Variants in SHROOM3 observed in about 807,000 individuals in gnomAD.
SHROOM3 encodes the protein shroom family member 3, also known as protein Shroom3.
In SHROOM3, 47 loss-of-function variants were observed where a neutral mutation model predicts 138.6. The ratio of observed to expected loss-of-function variants is 0.34; its 90% CI spans 0.27 to 0.43. SHROOM3 has a LOEUF of 0.43. Ranked by LOEUF, SHROOM3 falls within the 20% of genes least tolerant of loss-of-function variation. The pLI is 1.00. For missense variants in SHROOM3, 2,491 were observed against 2,596.5 expected (o/e 0.96, Z 0.88); for synonymous variants, 1,062 against 1,063.3 (o/e 1.00, Z 0.02).
chr4:76,558,285 T>C (rs1367333370), intron 2 of SHROOM3, among the ~76,000 whole-genome samples: 1 of 152,206 alleles, frequency 6.6e-6, no homozygotes, highest in Admixed American at 6.5e-5. Context: ...TATTTGCAAA[T>C]TGTGTGACTT....
At chr4:76,587,487 G>A (rs1377349201) in intron 2 of SHROOM3, among the ~76,000 whole-genome samples, 4 of 152,082 alleles carry the variant, frequency 2.6e-5, no homozygotes, top group Non-Finnish European at 5.9e-5. Context: ...CATTCTCAAT[G>A]ATTCTGTTCA....
chr4:76,755,096 C>CGA lies in SHROOM3; in HGVS notation c.4613_4614insGA (p.Pro1539ThrfsTer40). On this transcript the variant is annotated frameshift_variant, in exon 7 of 11. Coordinates refer to ENST00000296043, the MANE Select transcript of SHROOM3 (RefSeq NM_020859.4). LOFTEE classifies it high-confidence loss of function. ...CCACCTCCTCCACCGAGTCAGGAAA[C>CGA]CCCGGTGTATAGCATGGATGACTTC... 6.3e-7 allele frequency: 1 copy of CGA among 1,588,170 alleles called. No individual in the cohort carries two copies. The highest frequency in any genetic ancestry group is 8.6e-7 in the Non-Finnish European group (1 of 1,165,836).
intron 4 of SHROOM3, 148 bp downstream of exon 4, chr4:76,731,083 T>TA: frequency 9.0e-7 from 1 of 1,108,436 alleles, no homozygotes; most frequent in African/African-American, 1.5e-5. Flanking sequence ...CTCATCCTCT[T>TA]ATAGTGCTTG....
intron 2 of SHROOM3, among the ~76,000 whole-genome samples, chr4:76,708,580 T>G (rs1186297260): frequency 2.6e-5 from 4 of 152,210 alleles, no homozygotes; most frequent in African/African-American, 9.7e-5. Flanking sequence ...TCTTGGAGTG[T>G]GCTGTTTACA....
chr4:76,633,332 C>CAAAAAAAAAAAA (rs56002974), intron 2 of SHROOM3, among the ~76,000 whole-genome samples: 28 of 83,762 alleles, frequency 3.3e-4, no homozygotes, highest in Middle Eastern at 8.6e-3. Flanking sequence ...GACTCAGTCT[C>CAAAAAAAAAAAA]AAAAAAAAAA....
At chr4:76,773,011 G>A (rs1722414141) in intron 10 of SHROOM3, among the ~76,000 whole-genome samples, 1 of 152,182 alleles carries the variant, frequency 6.6e-6, no homozygotes. Flanking sequence ...GAGATGCCAT[G>A]TTTAAGAATT....
At chr4:76,559,004 C>A (rs1490210928) in intron 2 of SHROOM3, among the ~76,000 whole-genome samples, 2 of 152,184 alleles carry the variant, frequency 1.3e-5, no homozygotes, top group Non-Finnish European at 2.9e-5. Context: ...TTTTCATTCT[C>A]GTCAACACCA....
chr4:76,749,663 A>C (rs1173131675), intron 6 of SHROOM3, among the ~76,000 whole-genome samples: 1 of 152,236 alleles, frequency 6.6e-6, no homozygotes, highest in Non-Finnish European at 1.5e-5. Context: ...GAGGTGAAAA[A>C]TAAAGCTCAA....
intron 2 of SHROOM3, among the ~76,000 whole-genome samples, chr4:76,638,111 A>G (rs1312766282): frequency 6.6e-6 from 1 of 152,186 alleles, no homozygotes; most frequent in Non-Finnish European, 1.5e-5. Context: ...CAACAGATAG[A>G]GACTTCCATC....
In SHROOM3 at chr4:76,734,513, C is replaced by CTTT. The variant is rs35737209; in HGVS notation, c.587+3592_587+3594dup. 4.2e-3 allele frequency among the ~76,000 whole-genome samples: 573 copies of CTTT among 137,698 alleles called. 9 individuals are homozygous for CTTT. Among genetic ancestry groups the CTTT allele is most frequent in the African/African-American group, 0.014 (522 of 36,964 alleles). The allele number at this position is 137,698 out of a possible 152,430, so 90.3% of individuals were successfully genotyped here. On this transcript the variant is annotated intron_variant, in intron 4 of 10. Coordinates refer to ENST00000296043, the MANE Select transcript of SHROOM3 (RefSeq NM_020859.4). ...CTATGTTTTAAATATTTTAAAAATA[C>CTTT]TTTTTTTTTTTTTTTTGAGATGGGT...
intron 1 of SHROOM3, among the ~76,000 whole-genome samples, chr4:76,541,580 G>A (rs1733098485): frequency 6.6e-6 from 1 of 151,510 alleles, no homozygotes; most frequent in African/African-American, 2.4e-5. Context: ...AGGGAAAAAA[G>A]TCGCACTGCA....
chr4:76,599,413 A>G (rs1182285293), intron 2 of SHROOM3, among the ~76,000 whole-genome samples: 2 of 152,360 alleles, frequency 1.3e-5, no homozygotes, highest in Non-Finnish European at 2.9e-5. Context: ...TAATCTGCCC[A>G]TTCAAGATAG....
intron 10 of SHROOM3, among the ~76,000 whole-genome samples, chr4:76,773,189 A>AGTTG (rs1243763288): frequency 5.3e-5 from 8 of 152,104 alleles, no homozygotes; most frequent in African/African-American, 9.7e-5. Flanking sequence ...AGCCTGGCCA[A>AGTTG]CATGGCAAAA....
At chr4:76,551,567 A>G (rs1323536797) in intron 1 of SHROOM3, among the ~76,000 whole-genome samples, 2 of 152,156 alleles carry the variant, frequency 1.3e-5, no homozygotes, top group Non-Finnish European at 2.9e-5. Context: ...GAACGAACCA[A>G]TATTTTCTGA....
chr4:76,626,968 T>C (rs1364652203), intron 2 of SHROOM3, among the ~76,000 whole-genome samples: 2 of 152,216 alleles, frequency 1.3e-5, no homozygotes, highest in African/African-American at 2.4e-5. Context: ...ACAGACAGCA[T>C]TGACAGAACT....
At chr4:76,474,478 G>T (rs1731441176) in intron 1 of SHROOM3, among the ~76,000 whole-genome samples, 1 of 152,182 alleles carries the variant, frequency 6.6e-6, no homozygotes, top group Non-Finnish European at 1.5e-5. Context: ...CAAAGTATGG[G>T]ATAGTTCCAT....
chr4:76,697,895 GA>G (rs1406786304), intron 2 of SHROOM3, among the ~76,000 whole-genome samples: 3 of 151,790 alleles, frequency 2.0e-5, no homozygotes, highest in Non-Finnish European at 4.4e-5. Flanking sequence ...ACAGGATGAG[GA>G]AAAAAAGAAT....
intron 2 of SHROOM3, among the ~76,000 whole-genome samples, chr4:76,641,787 A>C (rs890112473): frequency 4.6e-5 from 7 of 152,138 alleles, no homozygotes; most frequent in African/African-American, 1.7e-4. Flanking sequence ...TTGGCCTCAA[A>C]CCAAATGCAG....
At chr4:76,749,838 G>A (rs1721563309) in intron 6 of SHROOM3, among the ~76,000 whole-genome samples, 1 of 152,098 alleles carries the variant, frequency 6.6e-6, no homozygotes, top group Admixed American at 6.5e-5. Context: ...TTTTCAGAAA[G>A]GGTATTCTCT....
Sources: allele counts gnomAD v4.1 joint callset (sites outside exome capture counted in the v4.1 genomes callset), GRCh38; gene constraint gnomAD v4.1.1; transcripts MANE v1.5; gene names NCBI Gene and HGNC (gene_info 2026-07-23, HGNC 2026-07-21).